NTM: variants seen among roughly 807,000 people sequenced by gnomAD.
NTM encodes neurotrimin.
Under a neutral mutation model 42.1 loss-of-function variants are expected in NTM, and 13 were observed. The observed-to-expected ratio is 0.31, with a 90% CI of 0.20 to 0.49. The LOEUF (loss-of-function observed/expected upper bound fraction) is 0.49. NTM is among the 20% of genes least tolerant of loss of function. NTM has a pLI of 0.99. For missense variants in NTM, 373 were observed against 452.8 expected (o/e 0.82, Z 1.60); for synonymous variants, 187 against 179.2 (o/e 1.04, Z -0.35).
chr11:131,793,248 CG>C (rs2091172198), intron 1 of NTM, among the ~76,000 whole-genome samples: 2 of 152,092 alleles, frequency 1.3e-5, no homozygotes, highest in South Asian at 2.1e-4. Flanking sequence ...TGGTTGCTAT[CG>C]TTTTTTTCAT....
intron 1 of NTM, among the ~76,000 whole-genome samples, chr11:131,603,355 A>T (rs915472351): frequency 6.6e-6 from 1 of 152,090 alleles, no homozygotes; most frequent in African/African-American, 2.4e-5. Flanking sequence ...TATGAAAAAT[A>T]CCATTCCACA....
chr11:132,169,511 G>GT (rs936201818), intron 3 of NTM, among the ~76,000 whole-genome samples: 5 of 150,774 alleles, frequency 3.3e-5, no homozygotes, highest in African/African-American at 9.7e-5. Flanking sequence ...AAGTTTTTGT[G>GT]TTTTTAGTAG....
At chr11:131,493,539 T>C (rs887419127) in intron 1 of NTM, among the ~76,000 whole-genome samples, 1 of 152,196 alleles carries the variant, frequency 6.6e-6, no homozygotes, top group Admixed American at 6.5e-5. Context: ...AGCTCCTGAA[T>C]GGACAACAAC....
intron 1 of NTM, among the ~76,000 whole-genome samples, chr11:131,587,805 A>G (rs1406690194): frequency 6.6e-6 from 1 of 152,136 alleles, no homozygotes; most frequent in East Asian, 1.9e-4. Flanking sequence ...GCACAGAGAG[A>G]ATTACAGTAG....
chr11:131,760,468 C>A (rs547158998), intron 1 of NTM, among the ~76,000 whole-genome samples: 2 of 152,264 alleles, frequency 1.3e-5, no homozygotes, highest in East Asian at 3.9e-4. Flanking sequence ...ATCAGCATGG[C>A]GCATTGTTAA....
chr11:132,302,115 A>G (rs1313052489), intron 4 of NTM, among the ~76,000 whole-genome samples: 1 of 152,156 alleles, frequency 6.6e-6, no homozygotes, highest in Non-Finnish European at 1.5e-5. Flanking sequence ...TTTGGACAAC[A>G]CCAAAACCCC....
chr11:132,149,323 C>G (rs1391920922), intron 3 of NTM, among the ~76,000 whole-genome samples: 9 of 151,488 alleles, frequency 5.9e-5, no homozygotes, highest in Non-Finnish European at 1.3e-4. Flanking sequence ...GAAGCTGACT[C>G]TCTGGATTTG....
chr11:131,818,307 C>G (rs1164514871), intron 1 of NTM, among the ~76,000 whole-genome samples: 1 of 152,182 alleles, frequency 6.6e-6, no homozygotes, highest in Non-Finnish European at 1.5e-5. Flanking sequence ...GTAAAACATA[C>G]TTAAACAAAA....
chr11:131,638,862 A>G (rs1191218978), intron 1 of NTM, among the ~76,000 whole-genome samples: 1 of 151,482 alleles, frequency 6.6e-6, no homozygotes, highest in Non-Finnish European at 1.5e-5. Flanking sequence ...TGTACACCAT[A>G]TGAAAAAAAA....
At chr11:132,060,612 G>C (rs1437955095) in intron 2 of NTM, among the ~76,000 whole-genome samples, 1 of 152,190 alleles carries the variant, frequency 6.6e-6, no homozygotes, top group African/African-American at 2.4e-5. Flanking sequence ...CATGTTATTG[G>C]TGGAAACCAC....
At chr11:132,186,885 A>G (rs755999598) in intron 3 of NTM, among the ~76,000 whole-genome samples, 28 of 152,146 alleles carry the variant, frequency 1.8e-4, no homozygotes, top group Non-Finnish European at 3.7e-4. Flanking sequence ...GATCCGGATG[A>G]TTTCCTCAAA....
intron 1 of NTM, among the ~76,000 whole-genome samples, chr11:131,617,529 G>A (rs904997048): frequency 2.6e-5 from 4 of 152,142 alleles, no homozygotes; most frequent in African/African-American, 4.8e-5. Context: ...CCTCGTGACT[G>A]CCTGTGCTCA....
chr11:132,313,923 C>T (rs2095352015), intron 6 of NTM, among the ~76,000 whole-genome samples: 1 of 152,110 alleles, frequency 6.6e-6, no homozygotes, highest in Admixed American at 6.5e-5. Flanking sequence ...CAGACTAATC[C>T]TCTATAACAG....
intron 7 of NTM, among the ~76,000 whole-genome samples, chr11:132,320,471 G>C (rs1339904976): frequency 6.6e-6 from 1 of 152,196 alleles, no homozygotes; most frequent in African/African-American, 2.4e-5. Flanking sequence ...TTTCCGACGG[G>C]CTTAAAAAAC....
intron 1 of NTM, among the ~76,000 whole-genome samples, chr11:131,459,442 TTTA>T (rs1951182206): frequency 6.6e-6 from 1 of 152,248 alleles, no homozygotes; most frequent in Non-Finnish European, 1.5e-5. Context: ...ATTATCAGTA[TTTA>T]TTATGAATGT....
At chr11:131,641,146 T>C (rs78979337) in intron 1 of NTM, among the ~76,000 whole-genome samples, 7,327 of 152,250 alleles carry the variant, frequency 0.048, 575 homozygotes, top group African/African-American at 0.17. Context: ...CTTGCATTCT[T>C]TACCCAGGTC....
At chr11:132,210,560 G>A (rs923568459) in intron 3 of NTM, among the ~76,000 whole-genome samples, 1 of 152,136 alleles carries the variant, frequency 6.6e-6, no homozygotes, top group African/African-American at 2.4e-5. Context: ...TTGGAGTGTG[G>A]GAGCTCAGTA....
rs536399435 is a variant in NTM, at chr11:131,482,399, T to G, written c.82+111511T>G. ...GAGACATATACATCATGCATATTCA[T>G]GGGCAAAAATTGTTTCAGGTTTTTA... is the stretch of plus-strand genomic sequence containing the variant. On this transcript the variant is annotated intron_variant, in intron 1 of 8. Coordinates refer to ENST00000683400, the MANE Select transcript of NTM (RefSeq NM_001352005.2). Among the ~76,000 whole-genome samples the G allele has an allele frequency of 3.3e-5, 5 of 152,326 alleles. No homozygotes were observed. The East Asian group carries it at 9.7e-4, about 29-fold the overall frequency.
At chr11:131,722,395 T>C (rs1012620341) in intron 1 of NTM, among the ~76,000 whole-genome samples, 3 of 152,236 alleles carry the variant, frequency 2.0e-5, no homozygotes, top group Non-Finnish European at 4.4e-5. Flanking sequence ...AGGCAACTTT[T>C]GGTGAGACTG....
Sources: gnomAD v4.1 joint callset for allele counts (sites outside exome capture counted in the v4.1 genomes callset) on GRCh38, gnomAD v4.1.1 for gene constraint, MANE v1.5 for transcripts, NCBI Gene and HGNC (gene_info 2026-07-23, HGNC 2026-07-21) for gene names.